The following PTPRJ variants were observed in gnomAD, a reference collection of about 807,000 sequenced individuals.
The protein encoded by PTPRJ is protein tyrosine phosphatase receptor type J, also known as receptor-type tyrosine-protein phosphatase eta.
A neutral mutation model predicts 141.3 loss-of-function variants in PTPRJ; 129 were observed. That is an observed-to-expected ratio of 0.91 (90% confidence interval 0.79 to 1.06). PTPRJ has a LOEUF of 1.06. PTPRJ is among the 50% of genes least tolerant of loss of function. The pLI, the probability that PTPRJ is intolerant of heterozygous loss-of-function variation, is 0.00. For missense variants in PTPRJ, 1,601 were observed against 1,679.7 expected (o/e 0.95, Z 0.82); for synonymous variants, 610 against 640.5 (o/e 0.95, Z 0.72).
chr11:47,995,182 A>G (rs747588973), intron 1 of PTPRJ, among the ~76,000 whole-genome samples: 12 of 152,224 alleles, frequency 7.9e-5, no homozygotes, highest in Non-Finnish European at 4.4e-5. Flanking sequence ...CTCTGAACAT[A>G]TAATCTGGTG....
At chr11:47,993,654 G>A (rs898294351) in intron 1 of PTPRJ, among the ~76,000 whole-genome samples, 2 of 152,016 alleles carry the variant, frequency 1.3e-5, no homozygotes, top group African/African-American at 4.8e-5. Flanking sequence ...CTCTAAGAGG[G>A]AGGTCTGAAT....
At position 48,145,210 on chromosome 11, in the gene PTPRJ, C is replaced by T. The variant is rs1459597163; in HGVS notation, c.2911+86C>T. ...GAAGGCCAGCTGTGTACATGCCTCC[C>T]TCAGACCTTCAGGAGGGTTGGTGTG... On this transcript the variant is annotated intron_variant, in intron 14 of 24. Transcript: ENST00000418331. The T allele has an allele frequency of 1.2e-5, 18 of 1,563,400 alleles. No individual in the cohort carries two copies. The East Asian group carries it at 3.4e-4, about 29-fold the overall frequency.
intron 8 of PTPRJ, chr11:48,132,516 AC>A: frequency 1.0e-6 from 1 of 982,114 alleles, no homozygotes. Context: ...TGAAAAACAT[AC>A]AGTCTTCCTT....
rs114704830 is a variant in PTPRJ at position 48,035,379 on chromosome 11, C to T, written c.96+54371C>T. On this transcript the variant is annotated intron_variant, in intron 1 of 24. Coordinates refer to ENST00000418331, the MANE Select transcript of PTPRJ (RefSeq NM_002843.4). The stretch of plus-strand genomic sequence containing the variant: ...GAGATTAGGCAGATGTATACATACA[C>T]GGTAATGTGCAAGTGTCTAGTTTCT... Among the ~76,000 whole-genome samples, 675 of 152,218 alleles carry T rather than the reference C, an allele frequency of 4.4e-3. 4 individuals are homozygous for T. Among genetic ancestry groups the T allele is most frequent in the African/African-American group, 0.015 (638 of 41,546 alleles).
chr11:48,120,486 C>T (rs1021895116), intron 3 of PTPRJ, among the ~76,000 whole-genome samples: 2 of 152,022 alleles, frequency 1.3e-5, no homozygotes, highest in Non-Finnish European at 2.9e-5. Context: ...AGTGCAGTGG[C>T]GCGATCTTGG....
intron 1 of PTPRJ, among the ~76,000 whole-genome samples, chr11:48,047,593 T>G (rs1176716607): frequency 6.6e-6 from 1 of 151,616 alleles, no homozygotes; most frequent in African/African-American, 2.4e-5. Flanking sequence ...AACCTCTGCC[T>G]CCCGGTTCAA....
At chr11:48,052,626 G>C (rs1381833628) in intron 1 of PTPRJ, among the ~76,000 whole-genome samples, 1 of 152,128 alleles carries the variant, frequency 6.6e-6, no homozygotes, top group Non-Finnish European at 1.5e-5. Flanking sequence ...CTTTTAAGGG[G>C]AGCAACTTAA....
chr11:48,123,277 T>C (rs1485781877), intron 4 of PTPRJ, among the ~76,000 whole-genome samples: 1 of 152,246 alleles, frequency 6.6e-6, no homozygotes, highest in Non-Finnish European at 1.5e-5. Flanking sequence ...AATTAAATGC[T>C]ACCATTTAAA....
At chr11:47,985,491 T>C (rs564681220) in intron 1 of PTPRJ, among the ~76,000 whole-genome samples, 3 of 152,042 alleles carry the variant, frequency 2.0e-5, no homozygotes, top group Non-Finnish European at 4.4e-5. Context: ...AGAACTTAAC[T>C]GTATACTTCT....
intron 22 of PTPRJ, 88 bp from the exon 23 acceptor site, chr11:48,163,370 T>C: frequency 1.6e-6 from 2 of 1,285,032 alleles, no homozygotes; most frequent in South Asian, 1.2e-5. Flanking sequence ...TCCTGGTTAG[T>C]ACTCAGGCTC....
At chr11:48,120,930 C>T in intron 3 of PTPRJ, 73 bp from the exon 4 acceptor site, 1 of 1,334,070 alleles carries the variant, frequency 7.5e-7, no homozygotes, top group South Asian at 1.5e-5. Context: ...GGAAACTAGA[C>T]ATATAGAGCA....
chr11:48,073,876 T>C (rs1316637848), intron 1 of PTPRJ, among the ~76,000 whole-genome samples: 3 of 152,238 alleles, frequency 2.0e-5, no homozygotes, highest in Non-Finnish European at 4.4e-5. Flanking sequence ...GTATTATATT[T>C]AAGACAGCTT....
chr11:48,110,414 G>T (rs897991913), intron 2 of PTPRJ, among the ~76,000 whole-genome samples: 2 of 152,104 alleles, frequency 1.3e-5, no homozygotes, highest in Non-Finnish European at 2.9e-5. Context: ...CCCCATGTTG[G>T]TCTTGAACTC....
intron 11 of PTPRJ, among the ~76,000 whole-genome samples, chr11:48,141,882 G>A (rs968758584): frequency 6.7e-6 from 1 of 149,384 alleles, no homozygotes; most frequent in Non-Finnish European, 1.5e-5. Flanking sequence ...TGTGCTTTTT[G>A]TGTGGTATCC....
intron 1 of PTPRJ, among the ~76,000 whole-genome samples, chr11:48,012,643 A>T (rs1363678291): frequency 2.6e-5 from 4 of 152,128 alleles, no homozygotes; most frequent in Admixed American, 2.6e-4. Context: ...TTGGGAGAAG[A>T]GTCCTCCAGG....
rs60806872 is a variant in PTPRJ at position 48,164,558 on chromosome 11, ATTTTTTTTTT to A, written c.3855+60_3855+69del. ...ATTTGACATTCCACCCTTCCCCTCC[ATTTTTTTTTT>A]TTTTTTTTTTTTTTTTGAGACGGAG... On this transcript the variant is annotated intron_variant, in intron 24 of 24. Transcript: ENST00000418331. 7.9e-5 allele frequency: 61 copies of A among 774,316 alleles called. 1 individual carries two copies. In the African/African-American group the frequency reaches 1.2e-3, roughly 16 times the overall value. The allele number at this position is 774,316 out of a possible 1,614,324, so 48.0% of individuals were successfully genotyped here.
chr11:48,127,677 C>G, intron 6 of PTPRJ, 103 bp from the exon 7 acceptor site: 1 of 1,232,546 alleles, frequency 8.1e-7, no homozygotes, highest in Non-Finnish European at 1.2e-6. Context: ...AAGGAACACT[C>G]CCCCAGGAGA....
At chr11:48,131,454 C>G in intron 8 of PTPRJ, 1 of 768,166 alleles carries the variant, frequency 1.3e-6, no homozygotes, top group South Asian at 1.4e-5. Context: ...TCTGCCTTTT[C>G]CCCAACTTGC....
chr11:48,041,849 G>A (rs986231335), intron 1 of PTPRJ, among the ~76,000 whole-genome samples: 4 of 151,946 alleles, frequency 2.6e-5, no homozygotes, highest in Non-Finnish European at 5.9e-5. Flanking sequence ...CTGAGCTCAA[G>A]CAATTGGCCT....
Sources: gnomAD v4.1 joint callset for allele counts (sites outside exome capture counted in the v4.1 genomes callset) on GRCh38, gnomAD v4.1.1 for gene constraint, MANE v1.5 for transcripts, NCBI Gene and HGNC (gene_info 2026-07-23, HGNC 2026-07-21) for gene names.